Variants in NBDY observed in about 807,000 individuals in gnomAD.
NBDY encodes P-body dissociating protein.
chrX:56,795,742 T>C (rs984499672), intron 2 of NBDY, among the ~76,000 whole-genome samples: 6 of 112,253 alleles, frequency 5.3e-5, no homozygotes, highest in Non-Finnish European at 1.1e-4. Context: ...CCGATTTCTT[T>C]TAATTGTCAA....
intron 2 of NBDY, among the ~76,000 whole-genome samples, chrX:56,742,116 A>G (rs1218257702): frequency 9.0e-6 from 1 of 111,299 alleles, no homozygotes; most frequent in African/African-American, 3.3e-5. Context: ...TGTTCTTGGC[A>G]CCTTTGTGGA....
In NBDY at chrX:56,729,334, G is replaced by A. The variant is rs2069446082; in HGVS notation, c.-20G>A. On this transcript the variant is annotated 5_prime_UTR_variant, in exon 1 of 3. Coordinates refer to ENST00000374922, the MANE Select transcript of NBDY (RefSeq NM_001348129.2). ...CCAGGGCCCACCGGAGAAAACTGACGACCCGTTTCTGTAATCCTTATGGGA... is the reference window on the plus strand; with the variant it reads ...CCAGGGCCCACCGGAGAAAACTGACAACCCGTTTCTGTAATCCTTATGGGA... 2 of 296,344 alleles carry A rather than the reference G, an allele frequency of 6.7e-6. No individual in the cohort carries two copies. Among genetic ancestry groups the A allele is most frequent in the East Asian group, 9.5e-5 (2 of 21,012 alleles). 24.4% of individuals were successfully genotyped at this position (296,344 alleles called of 1,213,427 possible). A position where few individuals can be genotyped will look rare whatever the true frequency, so the allele number is the denominator to read the frequency against.
intron 2 of NBDY, among the ~76,000 whole-genome samples, chrX:56,813,964 CT>C (rs966901173): frequency 1.0e-4 from 11 of 109,922 alleles, no homozygotes; most frequent in East Asian, 2.9e-4. Flanking sequence ...ATTCTTTTGT[CT>C]TTTTTTTTGT....
intron 2 of NBDY, among the ~76,000 whole-genome samples, chrX:56,781,208 C>T (rs896969892): frequency 4.5e-5 from 5 of 111,941 alleles, no homozygotes; most frequent in Non-Finnish European, 7.5e-5. Context: ...CAAGTATCTT[C>T]TCCAGTAATG....
At chrX:56,738,016 C>G in intron 2 of NBDY, among the ~76,000 whole-genome samples, 1 of 111,865 alleles carries the variant, frequency 8.9e-6, no homozygotes, top group South Asian at 3.7e-4. Flanking sequence ...GTGTCACAAT[C>G]AAGAAATTTG....
chrX:56,805,490 G>A (rs2069844406), intron 2 of NBDY, among the ~76,000 whole-genome samples: 1 of 112,163 alleles, frequency 8.9e-6, no homozygotes, highest in Admixed American at 9.4e-5. Context: ...ACTGGGCAGG[G>A]TTCCTCAGCT....
At chrX:56,766,870 C>T (rs1466061749) in intron 2 of NBDY, among the ~76,000 whole-genome samples, 1 of 112,569 alleles carries the variant, frequency 8.9e-6, no homozygotes, top group Non-Finnish European at 1.9e-5. Flanking sequence ...TCCTCCCAAC[C>T]CTACCTCTGT....
At chrX:56,781,372 A>T (rs2069688641) in intron 2 of NBDY, among the ~76,000 whole-genome samples, 1 of 110,658 alleles carries the variant, frequency 9.0e-6, no homozygotes, top group African/African-American at 3.3e-5. Context: ...AGTGTGCGGG[A>T]TGGGGTTGAG....
At chrX:56,793,241 G>T (rs1284452741) in intron 2 of NBDY, among the ~76,000 whole-genome samples, 1 of 112,417 alleles carries the variant, frequency 8.9e-6, no homozygotes. Context: ...CCTTGTCCTG[G>T]GGTGGCAGCC....
At chrX:56,803,847 C>T (rs1484726750) in intron 2 of NBDY, among the ~76,000 whole-genome samples, 3 of 112,003 alleles carry the variant, frequency 2.7e-5, no homozygotes, top group East Asian at 5.6e-4. Flanking sequence ...AGAAAGAAAC[C>T]GGCCAAGGAG....
chrX:56,785,326 A>T (rs1393269938), intron 2 of NBDY, among the ~76,000 whole-genome samples: 1 of 111,390 alleles, frequency 9.0e-6, no homozygotes. Context: ...TTGGGGTGGC[A>T]TTGCGACTCT....
intron 2 of NBDY, among the ~76,000 whole-genome samples, chrX:56,767,434 C>T: frequency 8.8e-6 from 1 of 113,434 alleles, no homozygotes; most frequent in Non-Finnish European, 1.9e-5. Flanking sequence ...TGTGGGAGCC[C>T]CTGTCTCCAC....
intron 2 of NBDY, among the ~76,000 whole-genome samples, chrX:56,789,872 G>T (rs2069751585): frequency 9.0e-6 from 1 of 111,660 alleles, no homozygotes; most frequent in Non-Finnish European, 1.9e-5. Flanking sequence ...GGTAGCCAGA[G>T]CCCAGACAGT....
intron 2 of NBDY, among the ~76,000 whole-genome samples, chrX:56,763,782 A>G (rs1223539968): frequency 8.9e-6 from 1 of 112,493 alleles, no homozygotes; most frequent in Non-Finnish European, 1.9e-5. Flanking sequence ...TTGGTGATCA[A>G]TCTGGGACCA....
chrX:56,816,446 A>T (rs1011994960), intron 2 of NBDY, among the ~76,000 whole-genome samples: 1 of 111,515 alleles, frequency 9.0e-6, no homozygotes, highest in African/African-American at 3.2e-5. Flanking sequence ...ATAATTCTAC[A>T]TATCAATAAA....
rs755747838 is a variant in NBDY, at chrX:56,787,651, C to T, written c.*167-29669C>T. On this transcript the variant is annotated intron_variant, in intron 2 of 2. Transcript: ENST00000374922. ...TTTGGGGTAGGGGTAGATAAAGTCC[C>T]CTTGGGATCCTTGTCCTTGTGTGAT... is the stretch of plus-strand genomic sequence containing the variant. Among the ~76,000 whole-genome samples, 4 of 112,028 alleles carry T rather than the reference C, an allele frequency of 3.6e-5. No homozygotes were observed. The East Asian group carries it at 1.1e-3, about 32-fold the overall frequency.
intron 2 of NBDY, among the ~76,000 whole-genome samples, chrX:56,746,200 T>G (rs1010663547): frequency 9.0e-6 from 1 of 110,856 alleles, no homozygotes; most frequent in Non-Finnish European, 1.9e-5. Context: ...GGAATAAAGT[T>G]TTTTTTTTCA....
At chrX:56,800,666 G>A (rs1328226903) in intron 2 of NBDY, among the ~76,000 whole-genome samples, 1 of 111,768 alleles carries the variant, frequency 8.9e-6, no homozygotes, top group Non-Finnish European at 1.9e-5. Context: ...GATTCTTTGT[G>A]TACTTTTGGA....
chrX:56,785,816 TTC>T (rs1218649511), intron 2 of NBDY, among the ~76,000 whole-genome samples: 1 of 111,957 alleles, frequency 8.9e-6, no homozygotes. Context: ...CCTCATTGAT[TTC>T]TCTGATTCTT....
Sources: allele counts gnomAD v4.1 joint callset (sites outside exome capture counted in the v4.1 genomes callset), GRCh38; gene constraint gnomAD v4.1.1; transcripts MANE v1.5; gene names NCBI Gene and HGNC (gene_info 2026-07-23, HGNC 2026-07-21).